The following FMN2 variants were observed in gnomAD, a reference collection of about 807,000 sequenced individuals.
FMN2 encodes formin-2.
Under a neutral mutation model 142.3 loss-of-function variants are expected in FMN2, and 51 were observed. The ratio of observed to expected loss-of-function variants is 0.36; its 90% CI spans 0.29 to 0.45. The LOEUF (loss-of-function observed/expected upper bound fraction) is 0.45. Ranked by LOEUF, FMN2 falls within the 20% of genes least tolerant of loss-of-function variation. The pLI is 1.00. For synonymous variants in FMN2, 882 were observed against 869.8 expected (o/e 1.01, Z -0.25); for missense variants, 1,936 against 2,122.8 (o/e 0.91, Z 1.73).
At chr1:240,250,764 A>T (rs1668248654) in intron 6 of FMN2, among the ~76,000 whole-genome samples, 1 of 151,264 alleles carries the variant, frequency 6.6e-6, no homozygotes, top group African/African-American at 2.4e-5. Context: ...CAATCTCACA[A>T]CTCATTGTTA....
At chr1:240,121,380 T>C (rs562196870) in intron 1 of FMN2, among the ~76,000 whole-genome samples, 1 of 141,044 alleles carries the variant, frequency 7.1e-6, no homozygotes, top group African/African-American at 2.8e-5. Flanking sequence ...TTTTTATTTT[T>C]ATTTTTTTTT....
At chr1:240,445,344 T>C (rs909053936) in intron 16 of FMN2, among the ~76,000 whole-genome samples, 1 of 152,154 alleles carries the variant, frequency 6.6e-6, no homozygotes, top group Admixed American at 6.5e-5. Context: ...AAATCAGTGC[T>C]ATGAGGAAAA....
intron 7 of FMN2, among the ~76,000 whole-genome samples, chr1:240,281,460 T>C (rs1669393505): frequency 6.6e-6 from 1 of 152,160 alleles, no homozygotes; most frequent in African/African-American, 2.4e-5. Context: ...ACCGTGTCTG[T>C]CTGGTTTATG....
chr1:240,131,523 A>T (rs1275595813), intron 2 of FMN2, among the ~76,000 whole-genome samples: 3 of 152,122 alleles, frequency 2.0e-5, no homozygotes. Context: ...AGCCTGACCA[A>T]CATGGTGAAA....
intron 14 of FMN2, among the ~76,000 whole-genome samples, chr1:240,367,793 A>G (rs1215848717): frequency 6.8e-6 from 1 of 146,656 alleles, no homozygotes; most frequent in Non-Finnish European, 1.5e-5. Flanking sequence ...AAAAAAAAAG[A>G]AATCCTTCCC....
At chr1:240,143,190 C>T (rs1389091346) in intron 2 of FMN2, 1 of 1,588,588 alleles carries the variant, frequency 6.3e-7, no homozygotes, top group Non-Finnish European at 8.6e-7. Context: ...ATTATTGGTA[C>T]CACTGCCCAC....
intron 16 of FMN2, among the ~76,000 whole-genome samples, chr1:240,466,224 A>C (rs1370922196): frequency 6.6e-6 from 1 of 152,178 alleles, no homozygotes; most frequent in Non-Finnish European, 1.5e-5. Flanking sequence ...TGATATTATA[A>C]AACTTAAAAA....
intron 7 of FMN2, among the ~76,000 whole-genome samples, chr1:240,279,611 C>T (rs970951871): frequency 1.3e-5 from 2 of 152,166 alleles, no homozygotes; most frequent in African/African-American, 4.8e-5. Flanking sequence ...GGAATTAGAA[C>T]AGAGGCCTTT....
chr1:240,109,027 C>A (rs1483523740), intron 1 of FMN2, among the ~76,000 whole-genome samples: 1 of 152,144 alleles, frequency 6.6e-6, no homozygotes, highest in Non-Finnish European at 1.5e-5. Context: ...CAGAGCGAGA[C>A]TCTGTCTCAA....
Position 240,170,510 on chromosome 1 carries a change from TAA to T in FMN2, c.1783-7410_1783-7409del. On this transcript the variant is annotated intron_variant, in intron 2 of 17. Coordinates refer to ENST00000319653, the MANE Select transcript of FMN2 (RefSeq NM_020066.5). ...TCCTAAAACTAACCTTGCCAGAATATAAGAGTCACTCAAGGGAAAGGATTAGT... is the reference window on the plus strand; with the variant it reads ...TCCTAAAACTAACCTTGCCAGAATATGAGTCACTCAAGGGAAAGGATTAGT... 5 of 1,513,790 alleles carry T rather than the reference TAA, an allele frequency of 3.3e-6. No individual in the cohort carries two copies. The South Asian group carries it at 3.4e-5, about 10-fold the overall frequency. 93.8% of individuals were successfully genotyped at this position (1,513,790 alleles called of 1,614,324 possible). A position where few individuals can be genotyped will look rare whatever the true frequency, so the allele number is the denominator to read the frequency against.
At position 240,336,582 on chromosome 1, in the gene FMN2, A is replaced by AAAAAAAAAAAAAAAG. The variant is rs144682452; in HGVS notation, c.4765+2353_4765+2354insAAAAAAAAAAAAAAG. Among the ~76,000 whole-genome samples, 48 of 101,886 alleles carry AAAAAAAAAAAAAAAG rather than the reference A, an allele frequency of 4.7e-4. 9 individuals carry two copies. The highest frequency in any genetic ancestry group is 6.5e-4 in the Non-Finnish European group (32 of 49,254). 66.8% of individuals were successfully genotyped at this position (101,886 alleles called of 152,430 possible). A position where few individuals can be genotyped will look rare whatever the true frequency, so the allele number is the denominator to read the frequency against. Reference sequence around the variant, plus strand: ...AAAAAAAAAAAAAAAAAAAAAAAAAAGGTGGTTGCAATTGTTTTCCCATTT... The same window carrying AAAAAAAAAAAAAAAG: ...AAAAAAAAAAAAAAAAAAAAAAAAAAAAAAAAAAAAAAAAGGGTGGTTGCAATTGTTTTCCCATTT... On this transcript the variant is annotated intron_variant, in intron 13 of 17. Transcript: ENST00000319653.
chr1:240,343,544 T>TA (rs1334364480), intron 13 of FMN2, among the ~76,000 whole-genome samples: 1 of 152,072 alleles, frequency 6.6e-6, no homozygotes, highest in Non-Finnish European at 1.5e-5. Flanking sequence ...ACAACCGTGA[T>TA]AAAATAGGAG....
intron 7 of FMN2, among the ~76,000 whole-genome samples, chr1:240,281,337 T>A (rs17626299): frequency 0.086 from 13,026 of 152,132 alleles, 742 homozygotes; most frequent in South Asian, 0.15. Context: ...ATAGTACAAA[T>A]TAAAGTGATT....
At chr1:240,448,270 T>G (rs905483037) in intron 16 of FMN2, among the ~76,000 whole-genome samples, 2 of 152,178 alleles carry the variant, frequency 1.3e-5, no homozygotes, top group South Asian at 4.1e-4. Flanking sequence ...GACTCTGTAG[T>G]GATGAAACAG....
intron 8 of FMN2, among the ~76,000 whole-genome samples, chr1:240,312,425 T>C (rs867440979): frequency 2.0e-5 from 3 of 152,218 alleles, no homozygotes; most frequent in Non-Finnish European, 4.4e-5. Context: ...TTAGAATGCT[T>C]GTAAACCTAG....
At chr1:240,141,130 G>GT (rs1468892808) in intron 2 of FMN2, among the ~76,000 whole-genome samples, 1 of 152,172 alleles carries the variant, frequency 6.6e-6, no homozygotes, top group African/African-American at 2.4e-5. Flanking sequence ...TGGGTAACAA[G>GT]TATTTCTTTA....
intron 15 of FMN2, among the ~76,000 whole-genome samples, chr1:240,422,467 A>G (rs557622610): frequency 6.6e-6 from 1 of 152,114 alleles, no homozygotes; most frequent in East Asian, 1.9e-4. Flanking sequence ...TCTTGTACAC[A>G]TTTTGTTAGG....
At chr1:240,191,563 A>AC (rs1382222016) in intron 4 of FMN2, among the ~76,000 whole-genome samples, 3 of 152,226 alleles carry the variant, frequency 2.0e-5, no homozygotes, top group Non-Finnish European at 4.4e-5. Flanking sequence ...CTGAAATGCG[A>AC]CTGTCTTTTG....
intron 3 of FMN2, among the ~76,000 whole-genome samples, chr1:240,184,941 TATACCTTCCCCTTCTCTTTCTCCCTC>T (rs1665344465): frequency 1.4e-5 from 2 of 147,962 alleles, no homozygotes; most frequent in Non-Finnish European, 3.0e-5. Flanking sequence ...TTCTCCCTCC[TATACCTTCCCCTTCTCTTTCTCCCTC>T]CTATACCTTC....
Sources: allele counts gnomAD v4.1 joint callset (sites outside exome capture counted in the v4.1 genomes callset), GRCh38; gene constraint gnomAD v4.1.1; transcripts MANE v1.5; gene names NCBI Gene and HGNC (gene_info 2026-07-23, HGNC 2026-07-21).